The following ITPR1 variants were observed in gnomAD, a reference collection of about 807,000 sequenced individuals.
ITPR1 encodes the protein inositol 1,4,5-trisphosphate receptor type 1.
A neutral mutation model predicts 318.4 loss-of-function variants in ITPR1; 96 were observed. The ratio of observed to expected loss-of-function variants is 0.30; its 90% confidence interval spans 0.26 to 0.36. ITPR1 has a LOEUF of 0.36. ITPR1 is among the 10% of genes least tolerant of loss of function. The pLI is 1.00. For synonymous variants in ITPR1, 1,312 were observed against 1,289.9 expected, an observed-to-expected ratio of 1.02 and a Z score of -0.37; for missense variants, 2,440 against 3,460.2, an observed-to-expected ratio of 0.71 and a Z score of 7.40.
At chr3:4,736,442 C>T (rs2043278046) in intron 44 of ITPR1, among the ~76,000 whole-genome samples, 1 of 152,258 alleles carries the variant, frequency 6.6e-6, no homozygotes, top group Non-Finnish European at 1.5e-5. Context: ...GCCTGCTCCT[C>T]CAGCCAGCAC....
At chr3:4,685,794 C>T (rs2094383907) in intron 30 of ITPR1, among the ~76,000 whole-genome samples, 2 of 152,204 alleles carry the variant, frequency 1.3e-5, no homozygotes, top group African/African-American at 4.8e-5. Context: ...CAGTGCTTTG[C>T]ATGCATGTAG....
At chr3:4,738,119 A>C (rs1254558429) in intron 44 of ITPR1, among the ~76,000 whole-genome samples, 5 of 152,212 alleles carry the variant, frequency 3.3e-5, no homozygotes, top group African/African-American at 9.6e-5. Context: ...TACTAGGTTT[A>C]ATACCAGAGT....
intron 51 of ITPR1, among the ~76,000 whole-genome samples, chr3:4,786,928 C>A (rs887491161): frequency 1.3e-5 from 2 of 152,146 alleles, no homozygotes; most frequent in Non-Finnish European, 2.9e-5. Context: ...GGAAAAATAA[C>A]CCAATGTTAC....
intron 5 of ITPR1, among the ~76,000 whole-genome samples, chr3:4,629,151 C>T (rs563722941): frequency 4.1e-4 from 63 of 152,340 alleles, no homozygotes; most frequent in African/African-American, 1.5e-3. Context: ...CTGCTGCCCC[C>T]ACAGAGGCTT....
intron 44 of ITPR1, among the ~76,000 whole-genome samples, chr3:4,748,875 T>G (rs1250616199): frequency 6.6e-6 from 1 of 152,244 alleles, no homozygotes; most frequent in Non-Finnish European, 1.5e-5. Context: ...GCAACATTGC[T>G]GCACTGGGAC....
chr3:4,516,685 TG>T, intron 3 of ITPR1, 102 bp downstream of exon 3: 1 of 780,592 alleles, frequency 1.3e-6, no homozygotes, highest in South Asian at 1.7e-5. Flanking sequence ...CCGTTTTACT[TG>T]GCTTTCTAAG....
chr3:4,506,821 A>G (rs1212931853), intron 2 of ITPR1, among the ~76,000 whole-genome samples: 1 of 152,224 alleles, frequency 6.6e-6, no homozygotes, highest in African/African-American at 2.4e-5. Flanking sequence ...TCCTAAGCAC[A>G]CAGTCATTGC....
intron 32 of ITPR1, 151 bp from the exon 33 acceptor site, chr3:4,693,339 A>C (rs1209228438): frequency 4.9e-6 from 4 of 809,390 alleles, no homozygotes; most frequent in African/African-American, 1.7e-5. Context: ...CTAGTTGTTC[A>C]GTTATATAAA....
intron 4 of ITPR1, among the ~76,000 whole-genome samples, chr3:4,579,654 G>A (rs777026127): frequency 3.9e-5 from 6 of 152,130 alleles, no homozygotes; most frequent in African/African-American, 9.7e-5. Context: ...CTTCCTTTCC[G>A]TAGGAAAGTT....
intron 5 of ITPR1, 84 bp downstream of exon 5, chr3:4,627,962 T>TTTG: frequency 1.3e-6 from 1 of 768,898 alleles, no homozygotes; most frequent in Non-Finnish European, 2.1e-6. Context: ...GGAGACTGCT[T>TTTG]ATGCAACCCT....
intron 60 of ITPR1, among the ~76,000 whole-genome samples, chr3:4,824,510 C>T (rs1201259495): frequency 6.6e-6 from 1 of 152,166 alleles, no homozygotes; most frequent in Non-Finnish European, 1.5e-5. Context: ...TGTGCACATG[C>T]ACACAGCCCT....
intron 44 of ITPR1, among the ~76,000 whole-genome samples, chr3:4,762,530 T>A (rs1349946685): frequency 6.6e-6 from 1 of 152,214 alleles, no homozygotes; most frequent in Non-Finnish European, 1.5e-5. Flanking sequence ...CAGGATCACC[T>A]TCACCTTGGA....
chr3:4,685,124 G>T lies in ITPR1; in HGVS notation c.3620G>T (p.Ser1207Ile). The T allele has an allele frequency of 6.2e-7, 1 of 1,610,718 alleles. No individual in the cohort carries two copies. Among genetic ancestry groups the T allele is most frequent in the Non-Finnish European group, 8.5e-7 (1 of 1,178,826 alleles). The stretch of plus-strand genomic sequence containing the variant: ...CAAGAGAGTGCCTCAGTGAGAAAGA[G>T]CAGGAAGCAGCAACAGCGTCTGCTC... ...CVQESASVRK[S>I]RKQQQRLLRN... Residue 1207 changes from serine (S) to isoleucine (I), a missense_variant, in exon 30 of 62, where the codon AGC becomes ATC. Coordinates refer to ENST00000649015, the MANE Select transcript of ITPR1 (RefSeq NM_001378452.1).
At chr3:4,714,701 G>A (rs1459976710) in intron 39 of ITPR1, among the ~76,000 whole-genome samples, 2 of 152,184 alleles carry the variant, frequency 1.3e-5, no homozygotes, top group Admixed American at 6.5e-5. Flanking sequence ...ATGACGAGAC[G>A]TAGGTACCTT....
chr3:4,718,512 T>A (rs962132672), intron 40 of ITPR1, among the ~76,000 whole-genome samples: 1 of 152,204 alleles, frequency 6.6e-6, no homozygotes, highest in Non-Finnish European at 1.5e-5. Flanking sequence ...GCATGAGTGC[T>A]TATGTTGAAT....
At chr3:4,643,705 T>C (rs1268546528) in intron 7 of ITPR1, among the ~76,000 whole-genome samples, 8 of 152,108 alleles carry the variant, frequency 5.3e-5, no homozygotes, top group Non-Finnish European at 1.2e-4. Flanking sequence ...TCATAGACCA[T>C]GTATTTCCGA....
At chr3:4,681,788 T>C (rs1317671977) in intron 26 of ITPR1, among the ~76,000 whole-genome samples, 1 of 152,210 alleles carries the variant, frequency 6.6e-6, no homozygotes, top group South Asian at 2.1e-4. Context: ...AGAGTGAAGT[T>C]AGTAAGATCA....
intron 42 of ITPR1, 36 bp downstream of exon 42, chr3:4,727,209 T>A: frequency 6.6e-7 from 1 of 1,519,642 alleles, no homozygotes; most frequent in African/African-American, 1.4e-5. Context: ...CGGGAGCTAA[T>A]GATCAATGAC....
intron 44 of ITPR1, among the ~76,000 whole-genome samples, chr3:4,735,868 C>T (rs898743575): frequency 6.6e-6 from 1 of 152,102 alleles, no homozygotes; most frequent in African/African-American, 2.4e-5. Flanking sequence ...ACTAGAGATA[C>T]CAGGCTATGT....
Sources: gnomAD v4.1 joint callset for allele counts (sites outside exome capture counted in the v4.1 genomes callset) on GRCh38, gnomAD v4.1.1 for gene constraint, MANE v1.5 for transcripts, NCBI Gene and HGNC (gene_info 2026-07-23, HGNC 2026-07-21) for gene names.